The following GALNTL6 variants were observed in gnomAD, a reference collection of about 807,000 sequenced individuals.
The protein encoded by GALNTL6 is polypeptide N-acetylgalactosaminyltransferase-like 6.
A neutral mutation model predicts 73.7 loss-of-function variants in GALNTL6; 46 were observed. The observed-to-expected ratio is 0.62, with a 90% CI of 0.49 to 0.80. The LOEUF is 0.80. GALNTL6 is among the 30% of genes least tolerant of loss of function. The pLI, the probability that GALNTL6 is intolerant of heterozygous loss-of-function variation, is 0.00. For missense variants in GALNTL6, 604 were observed against 755.0 expected (o/e 0.80, Z 2.34); for synonymous variants, 259 against 263.7 (o/e 0.98, Z 0.17).
At chr4:172,609,409 T>G (rs1003460512) in intron 5 of GALNTL6, among the ~76,000 whole-genome samples, 3 of 152,138 alleles carry the variant, frequency 2.0e-5, no homozygotes, top group African/African-American at 7.2e-5. Context: ...ATCATGTGGT[T>G]TTGGTTTTAG....
At chr4:172,930,913 C>T (rs1418805105) in intron 8 of GALNTL6, among the ~76,000 whole-genome samples, 1 of 152,194 alleles carries the variant, frequency 6.6e-6, no homozygotes, top group Non-Finnish European at 1.5e-5. Flanking sequence ...GATCCTCCCT[C>T]CTTGGCCTCC....
At chr4:171,822,928 C>T (rs910187138) in intron 2 of GALNTL6, among the ~76,000 whole-genome samples, 3 of 152,120 alleles carry the variant, frequency 2.0e-5, no homozygotes, top group Non-Finnish European at 2.9e-5. Flanking sequence ...CACTCTAAGT[C>T]GTCTGTACCT....
At position 172,664,972 on chromosome 4, in the gene GALNTL6, C is replaced by T. The variant is rs79238379; in HGVS notation, c.554-144389C>T. Among the ~76,000 whole-genome samples, 415 of 152,296 alleles carry T rather than the reference C, an allele frequency of 2.7e-3. 4 individuals are homozygous for T. The highest frequency in any genetic ancestry group is 9.5e-3 in the African/African-American group (395 of 41,562). On this transcript the variant is annotated intron_variant, in intron 5 of 12. Coordinates refer to ENST00000506823, the MANE Select transcript of GALNTL6 (RefSeq NM_001034845.3). ...CAATGAAGAATGTGCAACAGAGACTCATACAGTTTGAAAAGCCTAAAATCC... is the reference window on the plus strand; with the variant it reads ...CAATGAAGAATGTGCAACAGAGACTTATACAGTTTGAAAAGCCTAAAATCC...
intron 5 of GALNTL6, among the ~76,000 whole-genome samples, chr4:172,561,259 C>CAAAAAA (rs59249298): frequency 6.7e-5 from 4 of 60,130 alleles, no homozygotes; most frequent in African/African-American, 1.9e-4. Flanking sequence ...GACTCCGTCT[C>CAAAAAA]AAAAAAAAAA....
At chr4:172,618,816 C>A (rs1485079122) in intron 5 of GALNTL6, among the ~76,000 whole-genome samples, 2 of 152,008 alleles carry the variant, frequency 1.3e-5, no homozygotes, top group African/African-American at 2.4e-5. Context: ...CTCTGCCTCC[C>A]GGGTTCAAGC....
At chr4:172,514,381 C>A (rs546378898) in intron 5 of GALNTL6, among the ~76,000 whole-genome samples, 1 of 152,142 alleles carries the variant, frequency 6.6e-6, no homozygotes, top group Non-Finnish European at 1.5e-5. Flanking sequence ...CTGGCAGTGC[C>A]AGGCCTCACC....
chr4:172,636,635 C>T (rs576368011), intron 5 of GALNTL6, among the ~76,000 whole-genome samples: 2 of 152,196 alleles, frequency 1.3e-5, no homozygotes, highest in African/African-American at 4.8e-5. Context: ...TTCTTACCCA[C>T]AGCCTTCAAA....
intron 2 of GALNTL6, among the ~76,000 whole-genome samples, chr4:171,987,385 A>AG (rs1413631837): frequency 1.3e-5 from 2 of 152,212 alleles, no homozygotes; most frequent in African/African-American, 4.8e-5. Context: ...AGAGATGGGA[A>AG]GGCTAAACTG....
intron 10 of GALNTL6, among the ~76,000 whole-genome samples, chr4:172,976,448 C>A (rs917645507): frequency 6.6e-6 from 1 of 152,062 alleles, no homozygotes; most frequent in Non-Finnish European, 1.5e-5. Flanking sequence ...TAAGTATATC[C>A]CTGCAGGGGT....
chr4:172,685,566 AC>A (rs550633107), intron 5 of GALNTL6, among the ~76,000 whole-genome samples: 70 of 152,258 alleles, frequency 4.6e-4, no homozygotes, highest in Non-Finnish European at 8.2e-4. Flanking sequence ...AAAATGGCTC[AC>A]CTGAAGATGG....
chr4:172,246,712 C>T (rs1565558), intron 3 of GALNTL6, among the ~76,000 whole-genome samples: 149,456 of 151,360 alleles, frequency 0.99, 73,815 homozygotes, highest in East Asian at 1. Flanking sequence ...CTCTATGAGG[C>T]GTAAATGGTC....
At chr4:172,647,228 T>C (rs1451194089) in intron 5 of GALNTL6, among the ~76,000 whole-genome samples, 3 of 152,090 alleles carry the variant, frequency 2.0e-5, no homozygotes, top group African/African-American at 7.2e-5. Context: ...TTTAGGAGAA[T>C]AGGTTTGGTG....
At chr4:172,852,573 G>GT (rs776000318) in intron 7 of GALNTL6, among the ~76,000 whole-genome samples, 7 of 152,142 alleles carry the variant, frequency 4.6e-5, no homozygotes, top group Non-Finnish European at 1.0e-4. Flanking sequence ...GCAGCATTGA[G>GT]TTTACCTAGA....
chr4:172,394,192 A>G (rs1355784039), intron 5 of GALNTL6, among the ~76,000 whole-genome samples: 1 of 152,094 alleles, frequency 6.6e-6, no homozygotes, highest in Non-Finnish European at 1.5e-5. Flanking sequence ...ACTAATTACT[A>G]TATAATAATT....
chr4:172,427,086 G>A (rs764521437), intron 5 of GALNTL6, among the ~76,000 whole-genome samples: 7 of 152,082 alleles, frequency 4.6e-5, no homozygotes, highest in Non-Finnish European at 7.4e-5. Flanking sequence ...ATTCAACCAA[G>A]TCTTGTTTTA....
chr4:171,903,936 C>G (rs13148150), intron 2 of GALNTL6, among the ~76,000 whole-genome samples: 1,871 of 152,116 alleles, frequency 0.012, 12 homozygotes, highest in Non-Finnish European at 0.019. Context: ...TGAGGGTCCT[C>G]TCTGTTAGAA....
chr4:172,932,268 G>A (rs931815028), intron 9 of GALNTL6, among the ~76,000 whole-genome samples: 2 of 152,132 alleles, frequency 1.3e-5, no homozygotes, highest in East Asian at 1.9e-4. Context: ...AACCTAAAAC[G>A]GGGCTTAGGG....
intron 5 of GALNTL6, among the ~76,000 whole-genome samples, chr4:172,616,106 A>G (rs1738718602): frequency 6.6e-6 from 1 of 152,202 alleles, no homozygotes; most frequent in Admixed American, 6.5e-5. Flanking sequence ...TGTAACTGAT[A>G]ACATATATTT....
chr4:172,622,052 C>T (rs1738982845), intron 5 of GALNTL6, among the ~76,000 whole-genome samples: 1 of 152,230 alleles, frequency 6.6e-6, no homozygotes, highest in East Asian at 1.9e-4. Flanking sequence ...ACACTAGGGT[C>T]ATGGTCCTCC....
Sources: allele counts gnomAD v4.1 joint callset (sites outside exome capture counted in the v4.1 genomes callset), GRCh38; gene constraint gnomAD v4.1.1; transcripts MANE v1.5; gene names NCBI Gene and HGNC (gene_info 2026-07-23, HGNC 2026-07-21).